Variants in TRPC4 observed in about 807,000 individuals in gnomAD.
The protein encoded by TRPC4 is transient receptor potential cation channel subfamily C member 4.
A neutral mutation model predicts 99.4 loss-of-function variants in TRPC4; 49 were observed. The ratio of observed to expected loss-of-function variants is 0.49; its 90% CI spans 0.39 to 0.63. The LOEUF is 0.63. TRPC4 is among the 20% of genes least tolerant of loss of function. The pLI is 0.00. For missense variants in TRPC4, 898 were observed against 1,152.9 expected (o/e 0.78, Z 3.20); for synonymous variants, 454 against 425.9 (o/e 1.07, Z -0.81).
At chr13:37,677,203 AT>A (rs1953090338) in intron 4 of TRPC4, among the ~76,000 whole-genome samples, 1 of 152,054 alleles carries the variant, frequency 6.6e-6, no homozygotes, top group Admixed American at 6.5e-5. Context: ...CCTTTTAAAT[AT>A]TTTAAAATAT....
chr13:37,667,430 C>T (rs1304224900), intron 5 of TRPC4, among the ~76,000 whole-genome samples: 2 of 152,288 alleles, frequency 1.3e-5, no homozygotes, highest in Non-Finnish European at 2.9e-5. Context: ...CCTCAGCCTC[C>T]TGAGTAGCTG....
At chr13:37,741,661 A>T (rs1249618576) in intron 3 of TRPC4, among the ~76,000 whole-genome samples, 1 of 151,836 alleles carries the variant, frequency 6.6e-6, no homozygotes. Flanking sequence ...CACAACGTGA[A>T]AGCAAAGAAA....
intron 5 of TRPC4, 65 bp from the exon 6 acceptor site, chr13:37,663,794 A>T: frequency 7.3e-7 from 1 of 1,372,832 alleles, no homozygotes. Flanking sequence ...GATCAAGGTC[A>T]GACCCAGAAG....
At position 37,681,006 on chromosome 13, in the gene TRPC4, G is replaced by A. The variant is rs534449065; in HGVS notation, c.1235-6639C>T. Among the ~76,000 whole-genome samples the A allele has an allele frequency of 9.9e-5, 15 of 152,282 alleles. No individual in the cohort carries two copies. In the East Asian group the frequency reaches 2.9e-3, roughly 29 times the overall value. On this transcript the variant is annotated intron_variant, in intron 4 of 10. Transcript: ENST00000379705. Reference sequence around the variant, plus strand: ...GGAAAGTCAAATGTGATTATTAACAGTCATCGAAATAGCGAAATTCAAATA... The same window carrying A: ...GGAAAGTCAAATGTGATTATTAACAATCATCGAAATAGCGAAATTCAAATA...
chr13:37,772,565 A>C (rs948276461), intron 2 of TRPC4, among the ~76,000 whole-genome samples: 1 of 151,814 alleles, frequency 6.6e-6, no homozygotes, highest in Non-Finnish European at 1.5e-5. Flanking sequence ...TGTGAAGCTC[A>C]CAAAGTGGAG....
chr13:37,834,934 C>T (rs1593287500), intron 1 of TRPC4, among the ~76,000 whole-genome samples: 2 of 152,192 alleles, frequency 1.3e-5, no homozygotes, highest in Admixed American at 6.5e-5. Context: ...GGGTTTTCAC[C>T]AAGTTGGCCA....
At chr13:37,847,004 G>C (rs1481330606) in intron 1 of TRPC4, among the ~76,000 whole-genome samples, 1 of 151,820 alleles carries the variant, frequency 6.6e-6, no homozygotes, top group Non-Finnish European at 1.5e-5. Flanking sequence ...ACCAAGAAGA[G>C]ATAACAATTG....
intron 8 of TRPC4, among the ~76,000 whole-genome samples, chr13:37,645,170 A>G (rs1951832878): frequency 6.6e-6 from 1 of 152,038 alleles, no homozygotes; most frequent in Non-Finnish European, 1.5e-5. Flanking sequence ...CCACATTAGC[A>G]TAATTCACAG....
chr13:37,795,227 C>T (rs1214191493), intron 1 of TRPC4, among the ~76,000 whole-genome samples: 1 of 152,054 alleles, frequency 6.6e-6, no homozygotes, highest in East Asian at 1.9e-4. Flanking sequence ...TTTGTTCTGG[C>T]ATATTCTGTG....
intron 5 of TRPC4, among the ~76,000 whole-genome samples, chr13:37,665,565 A>G (rs962717749): frequency 6.6e-6 from 1 of 152,180 alleles, no homozygotes; most frequent in Non-Finnish European, 1.5e-5. Flanking sequence ...TAATTACAAT[A>G]AAAATGCTCT....
intron 1 of TRPC4, among the ~76,000 whole-genome samples, chr13:37,794,280 T>G (rs1957196474): frequency 6.6e-6 from 1 of 152,124 alleles, no homozygotes; most frequent in Non-Finnish European, 1.5e-5. Context: ...AAATAAAAGT[T>G]TATTTTGTTA....
chr13:37,684,969 G>T (rs1953413435), intron 4 of TRPC4, among the ~76,000 whole-genome samples: 1 of 152,008 alleles, frequency 6.6e-6, no homozygotes, highest in Non-Finnish European at 1.5e-5. Flanking sequence ...TTCTTGGAAT[G>T]GATTGCTTCT....
In TRPC4 at chr13:37,715,327, TAA is replaced by T. The variant is rs1954623041; in HGVS notation, c.898-22994_898-22993del. On this transcript the variant is annotated intron_variant, in intron 3 of 10. Coordinates refer to ENST00000379705, the MANE Select transcript of TRPC4 (RefSeq NM_016179.4). The stretch of plus-strand genomic sequence containing the variant: ...TAGGAAATCAAGGAAATCAACAAAG[TAA>T]TGCATCTTTGCATAGGTTGAATGGT... Among the ~76,000 whole-genome samples the T allele has an allele frequency of 2.0e-5, 3 of 152,174 alleles. 1 individual carries two copies. The highest frequency in any genetic ancestry group is 4.4e-5 in the Non-Finnish European group (3 of 68,026).
chr13:37,760,210 A>G (rs889946562), intron 2 of TRPC4, among the ~76,000 whole-genome samples: 1 of 151,884 alleles, frequency 6.6e-6, no homozygotes, highest in Non-Finnish European at 1.5e-5. Flanking sequence ...CTCTATAATT[A>G]GGTCAATCTC....
At chr13:37,643,906 T>C (rs1951795961) in intron 8 of TRPC4, among the ~76,000 whole-genome samples, 1 of 152,164 alleles carries the variant, frequency 6.6e-6, no homozygotes, top group Non-Finnish European at 1.5e-5. Context: ...CAATCTCATA[T>C]GGTGTTTTTC....
chr13:37,804,133 G>A (rs952815096), intron 1 of TRPC4, among the ~76,000 whole-genome samples: 1 of 152,048 alleles, frequency 6.6e-6, no homozygotes, highest in South Asian at 2.1e-4. Context: ...GCACAATATT[G>A]GAGATGGGAA....
At chr13:37,834,106 C>G (rs1267552689) in intron 1 of TRPC4, among the ~76,000 whole-genome samples, 2 of 152,144 alleles carry the variant, frequency 1.3e-5, no homozygotes, top group African/African-American at 4.8e-5. Context: ...AATATGAGTT[C>G]ATGCCAATAG....
chr13:37,781,459 C>T (rs915725792), intron 2 of TRPC4, among the ~76,000 whole-genome samples: 4 of 152,044 alleles, frequency 2.6e-5, no homozygotes, highest in Non-Finnish European at 5.9e-5. Context: ...TAAACTTACA[C>T]AGATTAAAAA....
intron 1 of TRPC4, among the ~76,000 whole-genome samples, chr13:37,830,696 G>C (rs1311956415): frequency 6.7e-6 from 1 of 149,680 alleles, no homozygotes; most frequent in East Asian, 2.0e-4. Flanking sequence ...AGGACAACCA[G>C]AGCGAAATTC....
Sources: allele counts gnomAD v4.1 joint callset (sites outside exome capture counted in the v4.1 genomes callset), GRCh38; gene constraint gnomAD v4.1.1; transcripts MANE v1.5; gene names NCBI Gene and HGNC (gene_info 2026-07-23, HGNC 2026-07-21).